CLDN16: variants seen among roughly 807,000 people sequenced by gnomAD.
CLDN16 encodes claudin-16.
CLDN16 carries 13 observed loss-of-function variants against 24.6 expected under a neutral mutation model. That is an observed-to-expected ratio of 0.53 (90% confidence interval 0.34 to 0.84). The LOEUF (loss-of-function observed/expected upper bound fraction) is 0.84, where lower values mean the gene tolerates loss of function less well. Ranked by LOEUF, CLDN16 falls within the 40% of genes least tolerant of loss-of-function variation. CLDN16 has a pLI of 0.01. For missense variants in CLDN16, 298 were observed against 292.7 expected (o/e 1.02, Z -0.13); for synonymous variants, 116 against 106.7 (o/e 1.09, Z -0.54).
At chr3:190,404,954 G>T (rs746978987) in intron 3 of CLDN16, 28 bp downstream of exon 3, 1 of 1,611,596 alleles carries the variant, frequency 6.2e-7, no homozygotes, top group Admixed American at 1.7e-5. Flanking sequence ...CTAGCAACAG[G>T]GGTAGGGAGA....
At chr3:190,330,036 G>T (rs776574904) in intron 1 of CLDN16, among the ~76,000 whole-genome samples, 1 of 150,904 alleles carries the variant, frequency 6.6e-6, no homozygotes, top group South Asian at 2.1e-4. Context: ...TATCTCAACC[G>T]TCCCCCCTCC....
intron 1 of CLDN16, among the ~76,000 whole-genome samples, chr3:190,362,982 A>G (rs1406090327): frequency 1.3e-5 from 2 of 151,932 alleles, no homozygotes; most frequent in African/African-American, 4.8e-5. Context: ...TTGAACTTGC[A>G]TATGTGCATT....
chr3:190,404,720 C>G, intron 2 of CLDN16, 42 bp from the exon 3 acceptor site: 2 of 1,606,714 alleles, frequency 1.2e-6, no homozygotes, highest in Non-Finnish European at 8.5e-7. Context: ...AATATGGTTC[C>G]TTCTTCTGAC....
upstream of CLDN16, among the ~76,000 whole-genome samples, chr3:190,385,944 G>C (rs1718487812): frequency 6.6e-6 from 1 of 152,086 alleles, no homozygotes; most frequent in Non-Finnish European, 1.5e-5. Context: ...CAAATGTCTG[G>C]GAGTGGAATT....
chr3:190,365,672 C>G (rs1024717481), intron 1 of CLDN16, among the ~76,000 whole-genome samples: 2 of 151,232 alleles, frequency 1.3e-5, no homozygotes, highest in Non-Finnish European at 3.0e-5. Flanking sequence ...CCTTAGATAT[C>G]TTTGTGTTTT....
At chr3:190,346,349 T>G (rs1717549644) in intron 1 of CLDN16, among the ~76,000 whole-genome samples, 2 of 152,184 alleles carry the variant, frequency 1.3e-5, no homozygotes, top group Non-Finnish European at 2.9e-5. Flanking sequence ...TTTTGAACTG[T>G]TTTAAAGTTT....
At chr3:190,298,682 C>T in the CLDN16 span, among the ~76,000 whole-genome samples, 4 of 152,216 alleles carry the variant, frequency 2.6e-5, no homozygotes, top group East Asian at 3.9e-4. Flanking sequence ...AGGTGATCCG[C>T]GCGCCTTGGC....
At chr3:190,347,431 A>G (rs1333810281) in intron 1 of CLDN16, among the ~76,000 whole-genome samples, 1 of 152,214 alleles carries the variant, frequency 6.6e-6, no homozygotes, top group African/African-American at 2.4e-5. Flanking sequence ...CCCAAGGAAC[A>G]TATAGTTATA....
intron 1 of CLDN16, among the ~76,000 whole-genome samples, chr3:190,337,298 T>C (rs992551716): frequency 5.9e-5 from 9 of 152,180 alleles, no homozygotes; most frequent in African/African-American, 1.9e-4. Context: ...AATGTTTTCA[T>C]ATTAGTGACA....
intron 1 of CLDN16, among the ~76,000 whole-genome samples, chr3:190,328,995 T>C (rs1717127740): frequency 6.6e-6 from 1 of 152,186 alleles, no homozygotes; most frequent in Non-Finnish European, 1.5e-5. Context: ...TATGCATAGG[T>C]AGTGCACAAC....
the CLDN16 span, among the ~76,000 whole-genome samples, chr3:190,295,234 A>G: frequency 6.6e-6 from 1 of 152,154 alleles, no homozygotes; most frequent in Non-Finnish European, 1.5e-5. Context: ...ACACAGAAAC[A>G]ATAACTGATT....
At chr3:190,321,996 G>T (rs1243647549), upstream of CLDN16, 2 of 1,614,022 alleles carry the variant, frequency 1.2e-6, no homozygotes, top group African/African-American at 2.7e-5. Flanking sequence ...CTCAGATTCA[G>T]CAAGGAGTCA....
chr3:190,341,969 G>C (rs1717448588), intron 1 of CLDN16, among the ~76,000 whole-genome samples: 1 of 152,012 alleles, frequency 6.6e-6, no homozygotes, highest in African/African-American at 2.4e-5. Flanking sequence ...TCCCCAAAAG[G>C]TCCTTATTTC....
intron 1 of CLDN16, among the ~76,000 whole-genome samples, chr3:190,325,391 C>G (rs1390924295): frequency 1.3e-5 from 2 of 152,108 alleles, no homozygotes; most frequent in Admixed American, 6.6e-5. Context: ...CAGGCAGTGG[C>G]AAGATATTTT....
intron 1 of CLDN16, among the ~76,000 whole-genome samples, chr3:190,365,843 T>C (rs1301505402): frequency 6.6e-6 from 1 of 151,760 alleles, no homozygotes; most frequent in Non-Finnish European, 1.5e-5. Context: ...AGGTATGGTG[T>C]GACTTAACCC....
intron 1 of CLDN16, among the ~76,000 whole-genome samples, chr3:190,345,702 G>A (rs544551333): frequency 1.8e-4 from 28 of 152,136 alleles, no homozygotes; most frequent in African/African-American, 6.5e-4. Flanking sequence ...TACCTCACTG[G>A]GCTTCCAGTT....
chr3:190,360,208 A>C (rs2108640968), intron 1 of CLDN16, among the ~76,000 whole-genome samples: 1 of 152,180 alleles, frequency 6.6e-6, no homozygotes, highest in African/African-American at 2.4e-5. Context: ...GATATACAAA[A>C]TTCTCTAAAA....
chr3:190,346,594 A>G (rs1199762471), intron 1 of CLDN16, among the ~76,000 whole-genome samples: 1 of 152,192 alleles, frequency 6.6e-6, no homozygotes, highest in Admixed American at 6.5e-5. Context: ...GCAACAAATT[A>G]CCACAAACTA....
At chr3:190,355,418 T>C (rs1416837272) in intron 1 of CLDN16, among the ~76,000 whole-genome samples, 2 of 151,954 alleles carry the variant, frequency 1.3e-5, no homozygotes, top group Non-Finnish European at 2.9e-5. Context: ...AAACTTTTGA[T>C]TTTGGACTAC....
Sources: gnomAD v4.1 joint callset for allele counts (sites outside exome capture counted in the v4.1 genomes callset) on GRCh38, gnomAD v4.1.1 for gene constraint, MANE v1.5 for transcripts, NCBI Gene and HGNC (gene_info 2026-07-23, HGNC 2026-07-21) for gene names.